The following KCNQ3 variants were observed in gnomAD, a reference collection of about 807,000 sequenced individuals.
KCNQ3 encodes potassium voltage-gated channel subfamily KQT member 3.
In KCNQ3, 30 loss-of-function variants were observed where a neutral mutation model predicts 92.5. That is an observed-to-expected ratio of 0.32 (90% confidence interval 0.24 to 0.44). The LOEUF (loss-of-function observed/expected upper bound fraction) is 0.44. Ranked by LOEUF, KCNQ3 falls within the 20% of genes least tolerant of loss-of-function variation. The pLI, the probability that KCNQ3 is intolerant of heterozygous loss-of-function variation, is 1.00. For synonymous variants in KCNQ3, 450 were observed against 468.8 expected, an observed-to-expected ratio of 0.96 and a Z score of 0.52; for missense variants, 913 against 1,140.3, an observed-to-expected ratio of 0.80 and a Z score of 2.87.
At chr8:132,200,084 T>C (rs770907741) in intron 1 of KCNQ3, among the ~76,000 whole-genome samples, 15 of 152,180 alleles carry the variant, frequency 9.9e-5, no homozygotes, top group Non-Finnish European at 1.6e-4. Context: ...CTTTAAAAAC[T>C]TCCATATTCT....
chr8:132,240,889 AT>A (rs34829586), intron 1 of KCNQ3, among the ~76,000 whole-genome samples: 79 of 150,040 alleles, frequency 5.3e-4, no homozygotes, highest in African/African-American at 1.9e-3. Flanking sequence ...GCTAGCTACA[AT>A]TTTTTTTTTT....
intron 9 of KCNQ3, among the ~76,000 whole-genome samples, chr8:132,156,512 A>G (rs1026542523): frequency 3.9e-5 from 6 of 152,162 alleles, no homozygotes; most frequent in African/African-American, 1.4e-4. Context: ...ATCCAGGCAG[A>G]CACAGGTTCA....
chr8:132,396,612 G>T (rs1007199170), intron 1 of KCNQ3, among the ~76,000 whole-genome samples: 1 of 152,144 alleles, frequency 6.6e-6, no homozygotes, highest in Admixed American at 6.5e-5. Flanking sequence ...AGTTGTAGCG[G>T]GTAAGATTAT....
intron 1 of KCNQ3, among the ~76,000 whole-genome samples, chr8:132,309,251 TA>T (rs1276907252): frequency 6.6e-6 from 1 of 152,212 alleles, no homozygotes; most frequent in Non-Finnish European, 1.5e-5. Context: ...TACTCCTTAA[TA>T]ATGTCCCCTT....
chr8:132,179,444 C>T (rs559692479), intron 4 of KCNQ3, among the ~76,000 whole-genome samples: 3 of 152,166 alleles, frequency 2.0e-5, no homozygotes, highest in Admixed American at 6.5e-5. Flanking sequence ...TGACCTTGAG[C>T]GGGTACTTCC....
rs181055848 is a variant in KCNQ3, at chr8:132,408,373, C to A, written c.386+71774G>T. On this transcript the variant is annotated intron_variant, in intron 1 of 14. Transcript: ENST00000388996. Reference sequence around the variant, plus strand: ...GGTGTACTGGAGTCCCTTCTGTGCACGCTCTGGTCTTCTAGGCATCCCCCT... The same window carrying A: ...GGTGTACTGGAGTCCCTTCTGTGCAAGCTCTGGTCTTCTAGGCATCCCCCT... Among the ~76,000 whole-genome samples, 3 of 152,216 alleles carry A rather than the reference C, an allele frequency of 2.0e-5. No individual in the cohort carries two copies. The South Asian group carries it at 6.2e-4, about 32-fold the overall frequency.
At chr8:132,463,416 T>C (rs1041086278) in intron 1 of KCNQ3, among the ~76,000 whole-genome samples, 3 of 152,212 alleles carry the variant, frequency 2.0e-5, no homozygotes, top group African/African-American at 7.2e-5. Context: ...AGAATTCATT[T>C]TCTACAAGAT....
intron 1 of KCNQ3, among the ~76,000 whole-genome samples, chr8:132,352,049 C>T (rs561596466): frequency 6.6e-6 from 1 of 152,194 alleles, no homozygotes; most frequent in South Asian, 2.1e-4. Flanking sequence ...GGTTTGGGCT[C>T]GTTTTATGAA....
At position 132,174,006 on chromosome 8, in the gene KCNQ3, G is replaced by A. The variant is rs2075728; in HGVS notation, c.1044+233C>T. 0.57 allele frequency among the ~76,000 whole-genome samples: 86,974 copies of A among 151,986 alleles called. 25,116 individuals are homozygous for A. Among genetic ancestry groups the A allele is most frequent in the Non-Finnish European group, 0.59 (40,292 of 67,958 alleles). ...CCCAGAGTTATGCCCAGAGCGACTAGCTCAGCCTAAAGAAGGCAGCATTGA... is the reference window on the plus strand; with the variant it reads ...CCCAGAGTTATGCCCAGAGCGACTAACTCAGCCTAAAGAAGGCAGCATTGA... On this transcript the variant is annotated intron_variant, in intron 6 of 14. Coordinates refer to ENST00000388996, the MANE Select transcript of KCNQ3 (RefSeq NM_004519.4).
At chr8:132,217,862 T>C (rs1208355658) in intron 1 of KCNQ3, among the ~76,000 whole-genome samples, 1 of 152,276 alleles carries the variant, frequency 6.6e-6, no homozygotes, top group South Asian at 2.1e-4. Flanking sequence ...CAGGCCTACT[T>C]CAATAAATAG....
At chr8:132,209,987 A>G (rs1044204921) in intron 1 of KCNQ3, among the ~76,000 whole-genome samples, 13 of 152,110 alleles carry the variant, frequency 8.5e-5, no homozygotes, top group African/African-American at 3.1e-4. Flanking sequence ...TTTCTAGAAA[A>G]TTTTATTTTA....
At chr8:132,374,133 C>T (rs1333793492) in intron 1 of KCNQ3, among the ~76,000 whole-genome samples, 1 of 152,114 alleles carries the variant, frequency 6.6e-6, no homozygotes, top group Non-Finnish European at 1.5e-5. Flanking sequence ...CTGCAAGGGC[C>T]CAGGAGTCAG....
At chr8:132,342,339 C>G (rs761354447) in intron 1 of KCNQ3, among the ~76,000 whole-genome samples, 1 of 151,436 alleles carries the variant, frequency 6.6e-6, no homozygotes. Context: ...TTTTAAGGCG[C>G]GTCATCCCCA....
chr8:132,137,352 C>T (rs569441585), intron 12 of KCNQ3, among the ~76,000 whole-genome samples: 1 of 152,292 alleles, frequency 6.6e-6, no homozygotes, highest in East Asian at 1.9e-4. Flanking sequence ...CTTCAGTTTC[C>T]TCATTGGAAA....
At chr8:132,386,037 G>A (rs1177656156) in intron 1 of KCNQ3, among the ~76,000 whole-genome samples, 1 of 152,130 alleles carries the variant, frequency 6.6e-6, no homozygotes, top group Non-Finnish European at 1.5e-5. Context: ...CCTGGGATGG[G>A]GGGATGGTGC....
At chr8:132,246,609 T>C (rs1563823182) in intron 1 of KCNQ3, among the ~76,000 whole-genome samples, 1 of 152,250 alleles carries the variant, frequency 6.6e-6, no homozygotes, top group Non-Finnish European at 1.5e-5. Flanking sequence ...CTGGAAATAT[T>C]TGATAGATTG....
intron 1 of KCNQ3, among the ~76,000 whole-genome samples, chr8:132,335,950 G>T (rs951792519): frequency 1.1e-4 from 17 of 152,158 alleles, no homozygotes; most frequent in Admixed American, 1.0e-3. Context: ...TTGTGCTGGA[G>T]CCTTTTCTTC....
Position 132,373,891 on chromosome 8 carries a change from C to T in KCNQ3, c.386+106256G>A, listed in dbSNP as rs138172742. Among the ~76,000 whole-genome samples, 349 of 152,256 alleles carry T rather than the reference C, an allele frequency of 2.3e-3. 1 individual carries two copies. Among genetic ancestry groups the T allele is most frequent in the Non-Finnish European group, 3.7e-3 (251 of 68,020 alleles). Reference sequence around the variant, plus strand: ...CTTTTTCCAGAGCCCCTGCAGGCCACGGCAACCCCCTCAGTGGAGAGTCAT... The same window carrying T: ...CTTTTTCCAGAGCCCCTGCAGGCCATGGCAACCCCCTCAGTGGAGAGTCAT... On this transcript the variant is annotated intron_variant, in intron 1 of 14. Coordinates refer to ENST00000388996, the MANE Select transcript of KCNQ3 (RefSeq NM_004519.4).
intron 1 of KCNQ3, among the ~76,000 whole-genome samples, chr8:132,214,128 C>A (rs150076743): frequency 6.6e-6 from 1 of 152,172 alleles, no homozygotes; most frequent in Admixed American, 6.5e-5. Flanking sequence ...CCTGGCTGTG[C>A]CCCCAAATCA....
Sources: gnomAD v4.1 joint callset for allele counts (sites outside exome capture counted in the v4.1 genomes callset) on GRCh38, gnomAD v4.1.1 for gene constraint, MANE v1.5 for transcripts, NCBI Gene and HGNC (gene_info 2026-07-23, HGNC 2026-07-21) for gene names.